TUT4: variants seen among roughly 807,000 people sequenced by gnomAD.
The protein encoded by TUT4 is terminal uridylyltransferase 4.
In TUT4, 36 loss-of-function variants were observed where a neutral mutation model predicts 192.2. The ratio of observed to expected loss-of-function variants is 0.19; its 90% CI spans 0.14 to 0.25. TUT4 has a LOEUF of 0.25. TUT4 is among the 10% of genes least tolerant of loss of function. The pLI is 1.00. For synonymous variants in TUT4, 618 were observed against 666.0 expected (o/e 0.93, Z 1.11); for missense variants, 1,493 against 1,957.2 (o/e 0.76, Z 4.47).
chr1:52,435,731 G>A (rs1653538264), intron 26 of TUT4, among the ~76,000 whole-genome samples: 1 of 152,134 alleles, frequency 6.6e-6, no homozygotes, highest in Non-Finnish European at 1.5e-5. Context: ...TTTTCTAAAG[G>A]AGACAACATA....
chr1:52,545,029 C>G (rs1687695843), intron 1 of TUT4, among the ~76,000 whole-genome samples: 1 of 146,048 alleles, frequency 6.8e-6, no homozygotes, highest in Non-Finnish European at 1.5e-5. Context: ...TGCACCCCAG[C>G]CTAGGGGACA....
chr1:52,430,066 C>T (rs1483411378), intron 28 of TUT4, among the ~76,000 whole-genome samples: 1 of 150,202 alleles, frequency 6.7e-6, no homozygotes, highest in Non-Finnish European at 1.5e-5. Context: ...CCAAAATATT[C>T]CTTAGTATTT....
chr1:52,511,625 A>C (rs1677183941), intron 3 of TUT4, among the ~76,000 whole-genome samples: 1 of 152,120 alleles, frequency 6.6e-6, no homozygotes, highest in African/African-American at 2.4e-5. Flanking sequence ...GATATCTGAA[A>C]AGACACATTT....
intron 11 of TUT4, among the ~76,000 whole-genome samples, chr1:52,479,144 A>AC (rs1296301314): frequency 2.0e-5 from 3 of 152,104 alleles, no homozygotes; most frequent in Non-Finnish European, 2.9e-5. Context: ...AACAGGGCAA[A>AC]CACACAAAGA....
rs568371940 is a variant in TUT4 at position 52,438,367 on chromosome 1, A to C, written c.3823-32T>G. 6 of 1,506,890 alleles carry C rather than the reference A, an allele frequency of 4.0e-6. No homozygotes were observed. In the South Asian group the frequency reaches 7.1e-5, roughly 18 times the overall value. 93.3% of individuals were successfully genotyped at this position (1,506,890 alleles called of 1,614,324 possible). On this transcript the variant is annotated intron_variant, in intron 24 of 29. Coordinates refer to ENST00000257177, the MANE Select transcript of TUT4 (RefSeq NM_001009881.3). ...AGAAAATGCAATTTTACTAGGAGGA[A>C]TCACTATAAAACTTTTGAATCCAAA...
chr1:52,442,384 C>T (rs1655918214), intron 24 of TUT4, among the ~76,000 whole-genome samples: 1 of 152,096 alleles, frequency 6.6e-6, no homozygotes, highest in East Asian at 1.9e-4. Flanking sequence ...GGAAATAAGG[C>T]AAATCTATCT....
At chr1:52,490,527 T>C (rs1435325788) in intron 8 of TUT4, among the ~76,000 whole-genome samples, 5 of 152,186 alleles carry the variant, frequency 3.3e-5, no homozygotes, top group Non-Finnish European at 5.9e-5. Context: ...CCTAGAGTAT[T>C]TTATTTTCAA....
chr1:52,515,857 T>C, intron 3 of TUT4, 34 bp downstream of exon 3: 1 of 1,612,522 alleles, frequency 6.2e-7, no homozygotes, highest in Non-Finnish European at 8.5e-7. Context: ...GAAACACACA[T>C]TTCCCCCCAA....
chr1:52,471,870 A>C, intron 14 of TUT4, 82 bp downstream of exon 14: 1 of 1,433,752 alleles, frequency 7.0e-7, no homozygotes, highest in Non-Finnish European at 9.3e-7. Context: ...AAACGTAAAC[A>C]AACTGTTTTT....
Position 52,446,599 on chromosome 1 carries a change from T to C in TUT4, c.3504A>G (p.Thr1168=). 1 of 1,606,958 alleles carries C rather than the reference T, an allele frequency of 6.2e-7. No homozygotes were observed. The highest frequency in any genetic ancestry group is 8.5e-7 in the Non-Finnish European group (1 of 1,177,554). The change falls in exon 21 of 30, where the codon ACA becomes ACG. Residue 1168 remains threonine (T), a synonymous_variant. Coordinates refer to ENST00000257177, the MANE Select transcript of TUT4 (RefSeq NM_001009881.3). The stretch of plus-strand genomic sequence containing the variant: ...ACTATTTTAAAATTACCAGTTCTTC[T>C]GTTTTATCAAAGAAGAAAGCATTCC... The part of the protein sequence containing the change: ...DGWNAFFFDK[T]EELKKRLPSL...
chr1:52,497,905 A>G (rs1672861705), intron 4 of TUT4, among the ~76,000 whole-genome samples: 1 of 152,190 alleles, frequency 6.6e-6, no homozygotes. Context: ...AGTATTATTA[A>G]CACATCCCCT....
chr1:52,552,538 C>T (rs1305782262), intron 1 of TUT4, among the ~76,000 whole-genome samples: 4 of 152,342 alleles, frequency 2.6e-5, no homozygotes, highest in South Asian at 2.1e-4. Context: ...AAAAGGTACA[C>T]ATGACAGGGA....
chr1:52,492,056 A>ATAT (rs1557835233), intron 7 of TUT4, among the ~76,000 whole-genome samples: 1 of 152,218 alleles, frequency 6.6e-6, no homozygotes, highest in Non-Finnish European at 1.5e-5. Flanking sequence ...AAAGGCATAT[A>ATAT]TTAAATATTT....
chr1:52,501,817 T>C (rs777533760), intron 4 of TUT4, among the ~76,000 whole-genome samples: 1 of 152,162 alleles, frequency 6.6e-6, no homozygotes, highest in Non-Finnish European at 1.5e-5. Flanking sequence ...ACAACGCGGT[T>C]GACCTGAAGA....
intron 20 of TUT4, among the ~76,000 whole-genome samples, chr1:52,451,751 G>A (rs936719237): frequency 3.3e-5 from 5 of 151,606 alleles, no homozygotes; most frequent in African/African-American, 1.2e-4. Context: ...GCTGAGGAAG[G>A]AGAATTGCTT....
At chr1:52,450,281 C>T (rs1288147262) in intron 20 of TUT4, among the ~76,000 whole-genome samples, 4 of 152,048 alleles carry the variant, frequency 2.6e-5, no homozygotes, top group Non-Finnish European at 5.9e-5. Flanking sequence ...TTAAATGATG[C>T]CAGAGCAATG....
chr1:52,431,897 G>A (rs990998605), intron 27 of TUT4: 9 of 157,060 alleles, frequency 5.7e-5, no homozygotes, highest in Non-Finnish European at 1.1e-4. Context: ...GATTACATAA[G>A]CAATCATAAT....
At chr1:52,483,487 C>A (rs1171588463) in intron 9 of TUT4, among the ~76,000 whole-genome samples, 1 of 152,114 alleles carries the variant, frequency 6.6e-6, no homozygotes, top group East Asian at 1.9e-4. Context: ...ATGGGTTCTG[C>A]ATCTGCACAT....
At chr1:52,496,904 A>G (rs1391868775) in intron 5 of TUT4, 102 bp downstream of exon 5, 2 of 1,134,930 alleles carry the variant, frequency 1.8e-6, no homozygotes, top group South Asian at 1.6e-5. Context: ...TCTACTTTTA[A>G]GGAGAAAAGG....
Sources: allele counts gnomAD v4.1 joint callset (sites outside exome capture counted in the v4.1 genomes callset), GRCh38; gene constraint gnomAD v4.1.1; transcripts MANE v1.5; gene names NCBI Gene and HGNC (gene_info 2026-07-23, HGNC 2026-07-21).